The following ZNF346 variants were observed in gnomAD, a reference collection of about 807,000 sequenced individuals.
The protein encoded by ZNF346 is double-stranded RNA-binding zinc finger protein JAZ.
In ZNF346, 23 loss-of-function variants were observed where a neutral mutation model predicts 33.7. The ratio of observed to expected loss-of-function variants is 0.68; its 90% confidence interval spans 0.49 to 0.97. ZNF346 has a LOEUF of 0.97. Among genes scored for constraint, ZNF346 ranks in the 50% least tolerant of loss-of-function variants. The pLI is 0.00. For synonymous variants in ZNF346, 134 were observed against 142.4 expected (o/e 0.94, Z 0.42); for missense variants, 340 against 371.1 (o/e 0.92, Z 0.69).
At chr5:177,038,940 G>A (rs1473281051) in intron 1 of ZNF346, among the ~76,000 whole-genome samples, 1 of 148,330 alleles carries the variant, frequency 6.7e-6, no homozygotes, top group African/African-American at 2.5e-5. Flanking sequence ...TGCTCAGGCT[G>A]GAGTGCAATG....
chr5:177,078,184 G>A (rs1783843734), intron 8 of ZNF346, among the ~76,000 whole-genome samples: 2 of 152,162 alleles, frequency 1.3e-5, no homozygotes, highest in African/African-American at 4.8e-5. Context: ...TGCCTGAGAG[G>A]AGTCCAGAAA....
intron 8 of ZNF346, among the ~76,000 whole-genome samples, chr5:177,073,977 T>G (rs564416969): frequency 1.3e-5 from 2 of 152,030 alleles, no homozygotes; most frequent in African/African-American, 4.8e-5. Context: ...GAAAGGAAGT[T>G]TGGGCTAGAC....
rs372226452 is a variant in ZNF346 at position 177,043,319 on chromosome 5, T to A, written c.373-1070T>A. ...TGGCCCTTTTCTCACAATTTATAATTCAGAAAGGCAAGATAAACTCTATGA... is the reference window on the plus strand; with the variant it reads ...TGGCCCTTTTCTCACAATTTATAATACAGAAAGGCAAGATAAACTCTATGA... On this transcript the variant is annotated intron_variant, in intron 3 of 6. Transcript: ENST00000358149. Among the ~76,000 whole-genome samples the A allele has an allele frequency of 3.8e-4, 58 of 152,276 alleles. No homozygotes were observed. In the South Asian group the frequency reaches 0.011, roughly 29 times the overall value.
At chr5:177,024,415 C>T (rs966479504) in intron 1 of ZNF346, among the ~76,000 whole-genome samples, 1 of 152,066 alleles carries the variant, frequency 6.6e-6, no homozygotes, top group African/African-American at 2.4e-5. Context: ...CCAGGCTGTT[C>T]TCGAACTCCT....
At chr5:177,048,748 A>T (rs894949564) in intron 4 of ZNF346, among the ~76,000 whole-genome samples, 5 of 151,742 alleles carry the variant, frequency 3.3e-5, no homozygotes, top group Non-Finnish European at 7.4e-5. Context: ...AGGACATAAG[A>T]AGCAGATTGA....
chr5:177,046,018 C>T (rs983816648), intron 4 of ZNF346, among the ~76,000 whole-genome samples: 2 of 151,694 alleles, frequency 1.3e-5, no homozygotes, highest in African/African-American at 2.4e-5. Context: ...GGACATAGGC[C>T]GGGCATGGTG....
At chr5:177,049,461 G>A (rs1355652541) in intron 4 of ZNF346, among the ~76,000 whole-genome samples, 1 of 152,186 alleles carries the variant, frequency 6.6e-6, no homozygotes, top group Non-Finnish European at 1.5e-5. Context: ...AGTGAGTCGT[G>A]GCATCCGCTT....
At chr5:177,059,499 C>T (rs1782188354) in intron 5 of ZNF346, among the ~76,000 whole-genome samples, 2 of 152,200 alleles carry the variant, frequency 1.3e-5, no homozygotes, top group Admixed American at 6.5e-5. Context: ...ATACTCCAGG[C>T]TTGTGTTTCT....
intron 5 of ZNF346, among the ~76,000 whole-genome samples, chr5:177,051,160 G>GTTTTC (rs1245663104): frequency 1.1e-4 from 16 of 146,094 alleles, no homozygotes; most frequent in African/African-American, 4.1e-4. Flanking sequence ...TATCTTTCAG[G>GTTTTC]TTTTCTTTTC....
intron 5 of ZNF346, among the ~76,000 whole-genome samples, chr5:177,060,746 T>C: frequency 6.6e-6 from 1 of 151,756 alleles, no homozygotes; most frequent in East Asian, 1.9e-4. Context: ...AGGCAGAGGT[T>C]GCAGGGAGCA....
chr5:177,068,723 T>C (rs2149716030), downstream of ZNF346, among the ~76,000 whole-genome samples: 1 of 140,922 alleles, frequency 7.1e-6, no homozygotes, highest in Non-Finnish European at 1.5e-5. Flanking sequence ...AGAGAGGGAG[T>C]GATACAACCC....
chr5:177,056,576 T>A (rs1781702659), intron 5 of ZNF346, among the ~76,000 whole-genome samples: 1 of 152,230 alleles, frequency 6.6e-6, no homozygotes, highest in Non-Finnish European at 1.5e-5. Flanking sequence ...CATGGAATAC[T>A]ATGCAGCCAT....
At chr5:177,034,798 A>T (rs1206916617) in intron 1 of ZNF346, among the ~76,000 whole-genome samples, 1 of 152,204 alleles carries the variant, frequency 6.6e-6, no homozygotes, top group Non-Finnish European at 1.5e-5. Flanking sequence ...AAGGTCATGG[A>T]ACTACATCAG....
In ZNF346 at chr5:177,028,361, G is replaced by T. The variant is rs12188013; in HGVS notation, c.175+5448G>T. Reference sequence around the variant, plus strand: ...TTATTTTCTTGGTTAGTCTAGCTAAGAATTTGTCATTTTCTTGATCTTTTC... The same window carrying T: ...TTATTTTCTTGGTTAGTCTAGCTAATAATTTGTCATTTTCTTGATCTTTTC... On this transcript the variant is annotated intron_variant, in intron 1 of 6. Transcript: ENST00000358149. 2.0e-5 allele frequency among the ~76,000 whole-genome samples: 3 copies of T among 150,776 alleles called. No homozygotes were observed. The South Asian group carries it at 6.3e-4, about 32-fold the overall frequency.
chr5:177,047,340 G>GTTTTTT (rs113091804), intron 4 of ZNF346, among the ~76,000 whole-genome samples: 2 of 137,364 alleles, frequency 1.5e-5, no homozygotes, highest in African/African-American at 2.7e-5. Flanking sequence ...TTTGTTTTTT[G>GTTTTTT]TTTTTTTTTT....
chr5:177,042,447 G>C (rs1191144699), intron 3 of ZNF346, among the ~76,000 whole-genome samples: 1 of 152,184 alleles, frequency 6.6e-6, no homozygotes, highest in East Asian at 1.9e-4. Flanking sequence ...AAAGCTGGCT[G>C]TGTGTCTTAC....
At chr5:177,042,313 G>A (rs1347358500) in intron 3 of ZNF346, 3 of 153,898 alleles carry the variant, frequency 1.9e-5, no homozygotes, top group Non-Finnish European at 4.3e-5. Flanking sequence ...TGTCTGCTGT[G>A]ATTGAGAGGT....
chr5:177,024,140 TGTAA>T (rs199770437), intron 1 of ZNF346, among the ~76,000 whole-genome samples: 13,216 of 130,226 alleles, frequency 0.1, 1,293 homozygotes, highest in African/African-American at 0.27. Context: ...TATATACACT[TGTAA>T]GTATTTTATG....
intron 1 of ZNF346, among the ~76,000 whole-genome samples, chr5:177,025,791 T>C (rs1169232593): frequency 6.6e-6 from 1 of 152,164 alleles, no homozygotes; most frequent in Non-Finnish European, 1.5e-5. Flanking sequence ...ATAGATATGA[T>C]TTCCAGGTAT....
Sources: gnomAD v4.1 joint callset for allele counts (sites outside exome capture counted in the v4.1 genomes callset) on GRCh38, gnomAD v4.1.1 for gene constraint, MANE v1.5 for transcripts, NCBI Gene and HGNC (gene_info 2026-07-23, HGNC 2026-07-21) for gene names.